Variants in ST6GALNAC5 observed in about 807,000 individuals in gnomAD.
ST6GALNAC5 encodes ST6 N-acetylgalactosaminide alpha-2,6-sialyltransferase 5, also known as alpha-N-acetylgalactosaminide alpha-2,6-sialyltransferase 5.
Under a neutral mutation model 33.6 loss-of-function variants are expected in ST6GALNAC5, and 27 were observed. The observed-to-expected ratio is 0.80, with a 90% CI of 0.59 to 1.11. The LOEUF is 1.11. ST6GALNAC5 is among the 50% of genes least tolerant of loss of function. The pLI, the probability that ST6GALNAC5 is intolerant of heterozygous loss-of-function variation, is 0.00. For synonymous variants in ST6GALNAC5, 194 were observed against 171.2 expected, an observed-to-expected ratio of 1.13 and a Z score of -1.04; for missense variants, 428 against 454.0, an observed-to-expected ratio of 0.94 and a Z score of 0.52.
intron 2 of ST6GALNAC5, among the ~76,000 whole-genome samples, chr1:76,936,667 C>CATT (rs561077267): frequency 2.6e-4 from 39 of 152,132 alleles, no homozygotes; most frequent in Admixed American, 6.6e-4. Flanking sequence ...ATTTACAGAA[C>CATT]ATTATTATAA....
intron 2 of ST6GALNAC5, among the ~76,000 whole-genome samples, chr1:76,901,564 A>G (rs1305683294): frequency 2.6e-5 from 4 of 152,186 alleles, no homozygotes; most frequent in African/African-American, 9.7e-5. Flanking sequence ...ACATTCAAAA[A>G]CTGCTGATAA....
At chr1:77,027,794 A>G (rs1171655511) in intron 2 of ST6GALNAC5, among the ~76,000 whole-genome samples, 6 of 152,178 alleles carry the variant, frequency 3.9e-5, no homozygotes, top group Non-Finnish European at 7.3e-5. Flanking sequence ...TCCAAGTGGA[A>G]AATCTCATTA....
At chr1:76,937,860 G>C (rs369157674) in intron 2 of ST6GALNAC5, among the ~76,000 whole-genome samples, 5 of 152,004 alleles carry the variant, frequency 3.3e-5, no homozygotes, top group African/African-American at 4.8e-5. Flanking sequence ...TATGACTAGG[G>C]TATCAATATC....
intron 2 of ST6GALNAC5, among the ~76,000 whole-genome samples, chr1:76,969,170 G>A (rs995576938): frequency 6.6e-6 from 1 of 152,198 alleles, no homozygotes; most frequent in Non-Finnish European, 1.5e-5. Flanking sequence ...GGGACTGTTG[G>A]ACAGGGGGTG....
chr1:76,983,275 T>C (rs572706888), intron 2 of ST6GALNAC5, among the ~76,000 whole-genome samples: 5 of 152,084 alleles, frequency 3.3e-5, no homozygotes, highest in African/African-American at 9.7e-5. Context: ...CCATCTCACA[T>C]GCAAAGACTC....
chr1:76,891,059 T>G (rs1030857686), intron 2 of ST6GALNAC5, among the ~76,000 whole-genome samples: 1 of 152,218 alleles, frequency 6.6e-6, no homozygotes, highest in Non-Finnish European at 1.5e-5. Context: ...AGTACAAGTT[T>G]GTGTAGGGGA....
chr1:76,989,670 G>A (rs17558507), intron 2 of ST6GALNAC5, among the ~76,000 whole-genome samples: 52,313 of 151,952 alleles, frequency 0.34, 10,950 homozygotes, highest in Non-Finnish European at 0.45. Context: ...TGCTTGCCCA[G>A]TGCAAAGGTT....
chr1:76,901,189 C>T (rs1646814304), intron 2 of ST6GALNAC5, among the ~76,000 whole-genome samples: 1 of 152,154 alleles, frequency 6.6e-6, no homozygotes, highest in African/African-American at 2.4e-5. Context: ...AAAAAATAGT[C>T]CAAGGATGTA....
intron 2 of ST6GALNAC5, among the ~76,000 whole-genome samples, chr1:77,025,665 T>C (rs1301719174): frequency 6.6e-6 from 1 of 152,026 alleles, no homozygotes; most frequent in Non-Finnish European, 1.5e-5. Context: ...GGGGGTAACA[T>C]GGTAAGGATG....
chr1:77,060,648 T>C (rs932490670), intron 4 of ST6GALNAC5, among the ~76,000 whole-genome samples: 13 of 152,158 alleles, frequency 8.5e-5, no homozygotes, highest in African/African-American at 3.1e-4. Context: ...TAACCAAATA[T>C]GTAAATTTAA....
At chr1:76,955,552 T>C (rs1647924413) in intron 2 of ST6GALNAC5, among the ~76,000 whole-genome samples, 1 of 152,160 alleles carries the variant, frequency 6.6e-6, no homozygotes, top group Non-Finnish European at 1.5e-5. Flanking sequence ...CTTAGGGAGC[T>C]AGAATCCTAG....
intron 2 of ST6GALNAC5, among the ~76,000 whole-genome samples, chr1:76,951,447 G>A (rs949880704): frequency 6.6e-6 from 1 of 152,076 alleles, no homozygotes; most frequent in Non-Finnish European, 1.5e-5. Flanking sequence ...ACACAGGGAG[G>A]GAAACATCAC....
intron 2 of ST6GALNAC5, among the ~76,000 whole-genome samples, chr1:76,982,259 A>G (rs1268548573): frequency 6.6e-6 from 1 of 152,118 alleles, no homozygotes; most frequent in Non-Finnish European, 1.5e-5. Flanking sequence ...GAAGCTAAAA[A>G]CCCTGAAAAA....
chr1:76,876,651 G>A (rs560361523), intron 2 of ST6GALNAC5, among the ~76,000 whole-genome samples: 5 of 152,206 alleles, frequency 3.3e-5, no homozygotes, highest in South Asian at 4.2e-4. Context: ...ATCTCACATC[G>A]GACCGTTTCT....
chr1:76,920,012 A>T (rs1181032941), intron 2 of ST6GALNAC5, among the ~76,000 whole-genome samples: 1 of 152,188 alleles, frequency 6.6e-6, no homozygotes. Context: ...AGATGGAAAT[A>T]TTTGCAGAAA....
At chr1:76,975,868 G>A (rs929192450) in intron 2 of ST6GALNAC5, among the ~76,000 whole-genome samples, 4 of 152,138 alleles carry the variant, frequency 2.6e-5, no homozygotes, top group Admixed American at 2.6e-4. Flanking sequence ...GCTGAGATGG[G>A]CAGATTGCTT....
At chr1:77,015,888 G>A (rs1005138374) in intron 2 of ST6GALNAC5, among the ~76,000 whole-genome samples, 4 of 152,110 alleles carry the variant, frequency 2.6e-5, no homozygotes, top group Middle Eastern at 3.4e-3. Flanking sequence ...GAGGTGGGCT[G>A]GAGAGACCCA....
At chr1:77,014,348 A>G (rs1650746971) in intron 2 of ST6GALNAC5, among the ~76,000 whole-genome samples, 1 of 152,182 alleles carries the variant, frequency 6.6e-6, no homozygotes, top group East Asian at 1.9e-4. Flanking sequence ...ATGCTGGCGG[A>G]TAGGCATGTG....
At chr1:76,901,359 C>A (rs1023837914) in intron 2 of ST6GALNAC5, among the ~76,000 whole-genome samples, 2 of 152,174 alleles carry the variant, frequency 1.3e-5, no homozygotes, top group Admixed American at 6.5e-5. Context: ...CATGAGAGGG[C>A]AGCACTGAGA....
Sources: allele counts gnomAD v4.1 joint callset (sites outside exome capture counted in the v4.1 genomes callset), GRCh38; gene constraint gnomAD v4.1.1; transcripts MANE v1.5; gene names NCBI Gene and HGNC (gene_info 2026-07-23, HGNC 2026-07-21).